Variants in ELN observed in about 807,000 individuals in gnomAD.
ELN encodes the protein elastin.
A neutral mutation model predicts 105.8 loss-of-function variants in ELN; 65 were observed. That is an observed-to-expected ratio of 0.61 (90% CI 0.50 to 0.75). ELN has a LOEUF of 0.75. Among genes scored for constraint, ELN ranks in the 30% least tolerant of loss-of-function variants. The probability of loss-of-function intolerance (pLI) is 0.00; values close to 1 mark genes in which losing one functional copy is unlikely to be tolerated. For missense variants in ELN, 882 were observed against 969.4 expected (o/e 0.91, Z 1.20); for synonymous variants, 368 against 389.2 (o/e 0.95, Z 0.64).
At chr7:74,054,797 C>T in intron 19 of ELN, 28 bp downstream of exon 19, 1 of 1,613,560 alleles carries the variant, frequency 6.2e-7, no homozygotes, top group South Asian at 1.1e-5. Flanking sequence ...AGCTCTGCCC[C>T]ACCCTGTCCT....
Position 74,051,752 on chromosome 7 carries a change from G to A in ELN, c.802G>A (p.Ala268Thr), listed in dbSNP as rs545260690. Residue 268 changes from alanine to threonine, a missense_variant and splice_region_variant, in exon 16 of 33, where the codon GCT becomes ACT. Coordinates refer to ENST00000252034, the MANE Select transcript of ELN (RefSeq NM_000501.4). ...AAAKAAAKFG[A>T]GAAGVLPGVG... ...TTGCACTGTCCCCATCTCAACAGGTGCTGGAGCAGCCGGAGTCCTCCCTGG... is the reference window on the plus strand; with the variant it reads ...TTGCACTGTCCCCATCTCAACAGGTACTGGAGCAGCCGGAGTCCTCCCTGG... The A allele has an allele frequency of 3.1e-6, 5 of 1,614,216 alleles. 1 individual carries two copies. The South Asian group carries it at 5.5e-5, about 18-fold the overall frequency.
rs781836111 is a variant in ELN, at chr7:74,056,315, G to T, written c.1195G>T (p.Val399Phe). Reference sequence around the variant, plus strand: ...AGTTGGAGGCATTCCTACTTACGGGGTTGGAGCTGGGGGCTTTCCCGGCTT... The same window carrying T: ...AGTTGGAGGCATTCCTACTTACGGGTTTGGAGCTGGGGGCTTTCCCGGCTT... The part of the protein sequence containing the change: ...VGVGGIPTYG[V>F]GAGGFPGFGV... The change falls in exon 20 of 33, where the codon GTT (valine) becomes TTT (phenylalanine). Residue 399 changes from valine to phenylalanine, a missense_variant. Val to Phe is a conservative substitution (Grantham distance 50). Coordinates refer to ENST00000252034, the MANE Select transcript of ELN (RefSeq NM_000501.4). 1 of 1,613,972 alleles carries T rather than the reference G, an allele frequency of 6.2e-7. No individual in the cohort carries two copies. The highest frequency in any genetic ancestry group is 1.6e-4 in the Middle Eastern group (1 of 6,062).
intron 2 of ELN, 55 bp downstream of exon 2, chr7:74,035,469 A>C (rs782423702): frequency 6.3e-7 from 1 of 1,599,754 alleles, no homozygotes; most frequent in Non-Finnish European, 8.6e-7. Flanking sequence ...GCTGATGTCC[A>C]TAATAGATGC....
chr7:74,042,259 A>C (rs1554668922), intron 5 of ELN, among the ~76,000 whole-genome samples: 2 of 124,088 alleles, frequency 1.6e-5, no homozygotes, highest in Non-Finnish European at 3.7e-5. Flanking sequence ...GTCACTACAA[A>C]AAATACAAAA....
Position 74,069,126 on chromosome 7 carries a change from C to A in ELN, c.*426C>A. 1 of 324,586 alleles carries A rather than the reference C, an allele frequency of 3.1e-6. No individual in the cohort carries two copies. Among genetic ancestry groups the A allele is most frequent in the Admixed American group, 4.4e-5 (1 of 22,908 alleles). 20.1% of individuals were successfully genotyped at this position (324,586 alleles called of 1,614,324 possible). On this transcript the variant is annotated 3_prime_UTR_variant, in exon 33 of 33. Transcript: ENST00000252034. ...ACTTCCTGGGCAGTCCCAGCTCCCC[C>A]TGCCCACCAGGACCCACCGTTGGCT...
rs2229427 is a variant in ELN, at chr7:74,056,312, G to A, written c.1192G>A (p.Gly398Arg). Residue 398 changes from glycine (G) to arginine (R), a missense_variant, in exon 20 of 33, where the codon GGG becomes AGG. Transcript: ENST00000252034. ...GVGVGGIPTYGVGAGGFPGFG... is the reference protein window; with the variant it reads ...GVGVGGIPTYRVGAGGFPGFG... ...CGGAGTTGGAGGCATTCCTACTTAC[G>A]GGGTTGGAGCTGGGGGCTTTCCCGG... 5 of 1,612,774 alleles carry A rather than the reference G, an allele frequency of 3.1e-6. No individual in the cohort carries two copies. The highest frequency in any genetic ancestry group is 1.7e-5 in the Admixed American group (1 of 59,926).
At chr7:74,035,781 A>T (rs1454799121) in intron 2 of ELN, 16 of 297,150 alleles carry the variant, frequency 5.4e-5, no homozygotes, top group South Asian at 2.2e-4. Flanking sequence ...TATAGAAATT[A>T]AAAAAAAATT....
intron 15 of ELN, among the ~76,000 whole-genome samples, chr7:74,048,957 A>G (rs1583826197): frequency 6.7e-6 from 1 of 149,560 alleles, no homozygotes; most frequent in African/African-American, 2.5e-5. Context: ...CCATCCACTT[A>G]TCTATCCATT....
At chr7:74,036,488 G>C in intron 2 of ELN, 67 bp from the exon 3 acceptor site, 1 of 1,605,402 alleles carries the variant, frequency 6.2e-7, no homozygotes. Flanking sequence ...GCCATAGCTG[G>C]GGGTGGCAGC....
At chr7:74,062,707 C>T (rs1256156810) in intron 26 of ELN, among the ~76,000 whole-genome samples, 6 of 152,102 alleles carry the variant, frequency 3.9e-5, no homozygotes, top group African/African-American at 1.4e-4. Context: ...CCCGCCACCA[C>T]GCCTGGCTAA....
At chr7:74,053,945 G>C (rs782794126) in intron 18 of ELN, among the ~76,000 whole-genome samples, 11 of 152,108 alleles carry the variant, frequency 7.2e-5, no homozygotes, top group Non-Finnish European at 8.8e-5. Context: ...TGGATGGGAG[G>C]CTGAATGAAA....
rs1797279368 is a variant in ELN at position 74,063,827 on chromosome 7, G to A, written c.1993+132G>A. 4.6e-6 allele frequency: 6 copies of A among 1,291,506 alleles called. No individual in the cohort carries two copies. The highest frequency in any genetic ancestry group is 6.6e-6 in the Non-Finnish European group (6 of 905,270). The allele number at this position is 1,291,506 out of a possible 1,614,324, so 80.0% of individuals were successfully genotyped here. On this transcript the variant is annotated intron_variant, in intron 29 of 32. Transcript: ENST00000252034. This position sits in a 1 kb window ranked among gnomAD's most constrained non-coding sequence, Gnocchi z 4.1. ...TTGCTCAAGATGTCCTCTTGGCCAG[G>A]TGCGGTGGCTCACGCCTGCAATCCC...
intron 1 of ELN, among the ~76,000 whole-genome samples, chr7:74,030,003 C>T (rs909972876): frequency 1.3e-5 from 2 of 152,206 alleles, no homozygotes; most frequent in African/African-American, 4.8e-5. Context: ...GTCCTTAAAG[C>T]AGGCATGCCC....
intron 1 of ELN, among the ~76,000 whole-genome samples, chr7:74,034,926 C>A (rs903193381): frequency 2.6e-5 from 4 of 152,122 alleles, no homozygotes; most frequent in Non-Finnish European, 4.4e-5. Context: ...CATAGTGAAA[C>A]CCTGTCTCCA....
intron 19 of ELN, 131 bp from the exon 20 acceptor site, chr7:74,056,138 CCA>C: frequency 8.2e-7 from 1 of 1,221,360 alleles, no homozygotes; most frequent in South Asian, 1.2e-5. Flanking sequence ...CCCAGGCATC[CCA>C]GTTTTCTGTC....
At chr7:74,035,604 T>A in intron 2 of ELN, 190 bp downstream of exon 2, 1 of 733,282 alleles carries the variant, frequency 1.4e-6, no homozygotes, top group Non-Finnish European at 2.4e-6. Flanking sequence ...ACATGGTGGC[T>A]TATGCCTGTA....
chr7:74,066,815 C>T (rs782491472), intron 32 of ELN, 39 bp downstream of exon 32: 43 of 1,601,462 alleles, frequency 2.7e-5, no homozygotes, highest in Non-Finnish European at 3.7e-5. Flanking sequence ...TGCCCTGGAG[C>T]TGCAGCCACC....
At chr7:74,068,589 C>G in intron 32 of ELN, 68 bp from the exon 33 acceptor site, 7 of 1,593,054 alleles carry the variant, frequency 4.4e-6, no homozygotes, top group Non-Finnish European at 6.0e-6. Context: ...TGGGTCAGAG[C>G]AGGCGGGGAT....
Position 74,046,197 on chromosome 7 carries a change from G to A in ELN, c.551G>A (p.Gly184Glu). ...GVKPKAPGVG[G>E]AFAGIPGVGP... ...CTTTTTATCATTACAGGTGTAGGTG[G>A]AGCTTTTGCTGGAATCCCAGGTGAG... The change falls in exon 11 of 33, where the codon GGA becomes GAA. Residue 184 changes from glycine (G) to glutamate (E), a missense_variant. By Grantham distance (98) the Gly-to-Glu change is moderately conservative. Transcript: ENST00000252034. 1 of 1,614,218 alleles carries A rather than the reference G, an allele frequency of 6.2e-7. No homozygotes were observed.
Sources: gnomAD v4.1 joint callset for allele counts (sites outside exome capture counted in the v4.1 genomes callset) on GRCh38, gnomAD v4.1.1 for gene constraint, Gnocchi (gnomAD v3.1) non-coding constraint, MANE v1.5 for transcripts, NCBI Gene and HGNC (gene_info 2026-07-23, HGNC 2026-07-21) for gene names.